Variants in DLGAP2 observed in about 807,000 individuals in gnomAD.
The protein encoded by DLGAP2 is DLG associated protein 2, also known as disks large-associated protein 2.
In DLGAP2, 26 loss-of-function variants were observed where a neutral mutation model predicts 100.3. That is an observed-to-expected ratio of 0.26 (90% CI 0.19 to 0.36). The LOEUF is 0.36. Among genes scored for constraint, DLGAP2 ranks in the 10% least tolerant of loss-of-function variants. The probability of loss-of-function intolerance (pLI) is 1.00; values close to 1 mark genes in which losing one functional copy is unlikely to be tolerated. For synonymous variants in DLGAP2, 886 were observed against 630.1 expected, an observed-to-expected ratio of 1.41 and a Z score of -6.08; for missense variants, 1,858 against 1,453.2, an observed-to-expected ratio of 1.28 and a Z score of -4.53.
At chr8:1,666,114 T>C (rs1798538107) in intron 8 of DLGAP2, among the ~76,000 whole-genome samples, 1 of 152,244 alleles carries the variant, frequency 6.6e-6, no homozygotes, top group African/African-American at 2.4e-5. Context: ...TCCCCGGCAC[T>C]ACTGGCCTTT....
At chr8:1,603,770 A>C (rs1283464835) in intron 6 of DLGAP2, among the ~76,000 whole-genome samples, 1 of 152,214 alleles carries the variant, frequency 6.6e-6, no homozygotes, top group African/African-American at 2.4e-5. Flanking sequence ...TTATTTATCT[A>C]AGGGACTGGG....
intron 2 of DLGAP2, among the ~76,000 whole-genome samples, chr8:1,062,032 T>G (rs1310463781): frequency 6.8e-6 from 1 of 146,144 alleles, no homozygotes; most frequent in Non-Finnish European, 1.5e-5. Context: ...AATGAGATTA[T>G]AGACATTTAT....
chr8:803,045 A>T (rs926735550), intron 1 of DLGAP2, among the ~76,000 whole-genome samples: 2 of 152,234 alleles, frequency 1.3e-5, no homozygotes, highest in African/African-American at 4.8e-5. Flanking sequence ...AGAGGCCACA[A>T]GGAGACCCAG....
At chr8:1,189,138 G>A (rs372275544) in intron 2 of DLGAP2, among the ~76,000 whole-genome samples, 1 of 143,240 alleles carries the variant, frequency 7.0e-6, no homozygotes, top group East Asian at 2.0e-4. Context: ...CGGTTCCGCT[G>A]TTGGGGTTGA....
intron 2 of DLGAP2, among the ~76,000 whole-genome samples, chr8:997,971 G>GCATACACATA (rs71528630): frequency 6.6e-6 from 1 of 151,902 alleles, no homozygotes; most frequent in Non-Finnish European, 1.5e-5. Flanking sequence ...ATACACGCAT[G>GCATACACATA]CATGTACATG....
chr8:1,136,556 C>G (rs1309241364), intron 2 of DLGAP2, among the ~76,000 whole-genome samples: 1 of 152,206 alleles, frequency 6.6e-6, no homozygotes, highest in South Asian at 2.1e-4. Flanking sequence ...AGTACGGTGC[C>G]TGGTGTGTAG....
intron 2 of DLGAP2, among the ~76,000 whole-genome samples, chr8:1,160,192 A>G (rs1369888928): frequency 6.6e-6 from 1 of 152,180 alleles, no homozygotes; most frequent in Admixed American, 6.5e-5. Flanking sequence ...AGAAGTAGTC[A>G]GTTCACCGTA....
rs571374255 is a variant in DLGAP2 at position 1,335,259 on chromosome 8, G to C, written c.106+76376G>C. Among the ~76,000 whole-genome samples the C allele has an allele frequency of 8.5e-5, 13 of 152,326 alleles. No homozygotes were observed. In the South Asian group the frequency reaches 2.7e-3, roughly 32 times the overall value. On this transcript the variant is annotated intron_variant, in intron 3 of 14. Transcript: ENST00000637795. ...AGCTCCAAACCAGCTGTGACCAGAA[G>C]GCTGGACTCTTTAGGGCGGCCTAAT... is the stretch of plus-strand genomic sequence containing the variant.
rs74420326 is a variant in DLGAP2, at chr8:1,467,015, G to C, written c.107-34351G>C. ...GAACACTTTGAAGCTTCAAGAAAGT[G>C]GGGGGGATGTGGGCAGATGGGATTT... On this transcript the variant is annotated intron_variant, in intron 3 of 14. Coordinates refer to ENST00000637795, the MANE Select transcript of DLGAP2 (RefSeq NM_001346810.2). Among the ~76,000 whole-genome samples the C allele has an allele frequency of 9.3e-5, 14 of 150,360 alleles. No homozygotes were observed. In the East Asian group the frequency reaches 1.5e-3, roughly 17 times the overall value.
At chr8:1,287,785 GTGTA>G (rs1563062748) in intron 3 of DLGAP2, among the ~76,000 whole-genome samples, 5,718 of 121,994 alleles carry the variant, frequency 0.047, 820 homozygotes, top group Non-Finnish European at 0.064. Flanking sequence ...GTGTGTCTGT[GTGTA>G]TGTGTGTGTG....
intron 2 of DLGAP2, among the ~76,000 whole-genome samples, chr8:1,023,855 A>ATGTGTGTG (rs1192338772): frequency 4.0e-4 from 24 of 59,266 alleles, no homozygotes; most frequent in African/African-American, 3.3e-4. Context: ...CAAACTTTAT[A>ATGTGTGTG]TATGTGTGTG....
At chr8:1,436,991 G>T (rs989641742) in intron 3 of DLGAP2, among the ~76,000 whole-genome samples, 1 of 151,858 alleles carries the variant, frequency 6.6e-6, no homozygotes, top group African/African-American at 2.4e-5. Context: ...TATGCCGTTC[G>T]GCCCAGGCGT....
At chr8:1,171,165 G>T (rs1383908182) in intron 2 of DLGAP2, among the ~76,000 whole-genome samples, 2 of 152,174 alleles carry the variant, frequency 1.3e-5, no homozygotes, top group Non-Finnish European at 2.9e-5. Flanking sequence ...GGAGAAGGTT[G>T]TTCAGTTTCC....
chr8:847,296 A>G, intron 1 of DLGAP2, among the ~76,000 whole-genome samples: 1 of 152,060 alleles, frequency 6.6e-6, no homozygotes, highest in East Asian at 1.9e-4. Flanking sequence ...GATCTATTTA[A>G]TCTTTGCACT....
chr8:1,264,563 G>A (rs766440759), intron 3 of DLGAP2, among the ~76,000 whole-genome samples: 10 of 152,072 alleles, frequency 6.6e-5, no homozygotes, highest in Non-Finnish European at 1.5e-4. Flanking sequence ...ACATTCATAG[G>A]AAAGTTGTTC....
intron 4 of DLGAP2, among the ~76,000 whole-genome samples, chr8:1,539,726 T>A (rs1372048808): frequency 6.6e-6 from 1 of 152,166 alleles, no homozygotes; most frequent in Non-Finnish European, 1.5e-5. Flanking sequence ...CCTGCCCACA[T>A]TGCATCGCTT....
At chr8:832,616 G>T (rs1796803157) in intron 1 of DLGAP2, among the ~76,000 whole-genome samples, 1 of 152,194 alleles carries the variant, frequency 6.6e-6, no homozygotes, top group African/African-American at 2.4e-5. Context: ...GTTAATTGTG[G>T]TCATGGGATA....
intron 2 of DLGAP2, among the ~76,000 whole-genome samples, chr8:1,085,274 A>T (rs1803937480): frequency 6.6e-6 from 1 of 152,170 alleles, no homozygotes; most frequent in African/African-American, 2.4e-5. Context: ...CCCTTATCAG[A>T]TGTATGGCTT....
intron 2 of DLGAP2, among the ~76,000 whole-genome samples, chr8:986,078 G>T (rs1254276863): frequency 1.3e-5 from 2 of 152,092 alleles, no homozygotes; most frequent in African/African-American, 4.8e-5. Context: ...GGAAACTCTT[G>T]ATATCCACGT....
Sources: allele counts gnomAD v4.1 joint callset (sites outside exome capture counted in the v4.1 genomes callset), GRCh38; gene constraint gnomAD v4.1.1; transcripts MANE v1.5; gene names NCBI Gene and HGNC (gene_info 2026-07-23, HGNC 2026-07-21).